Variants in SMYD3 observed in about 807,000 individuals in gnomAD.
SMYD3 encodes the protein SET and MYND domain containing 3.
SMYD3 carries 36 observed loss-of-function variants against 57.7 expected under a neutral mutation model. The ratio of observed to expected loss-of-function variants is 0.62; its 90% confidence interval spans 0.48 to 0.82. The LOEUF (loss-of-function observed/expected upper bound fraction) is 0.82, where lower values mean the gene tolerates loss of function less well. Among genes scored for constraint, SMYD3 ranks in the 40% least tolerant of loss-of-function variants. The probability of loss-of-function intolerance (pLI) is 0.00; values close to 1 mark genes in which losing one functional copy is unlikely to be tolerated. For missense variants in SMYD3, 515 were observed against 538.8 expected, an observed-to-expected ratio of 0.96 and a Z score of 0.44; for synonymous variants, 211 against 195.0, an observed-to-expected ratio of 1.08 and a Z score of -0.68.
intron 10 of SMYD3, among the ~76,000 whole-genome samples, chr1:245,765,221 AT>A (rs67326231): frequency 0.15 from 18,257 of 119,622 alleles, 1,756 homozygotes; most frequent in African/African-American, 0.35. Flanking sequence ...CCCTTTCTCT[AT>A]TAAAAAAAAA....
intron 5 of SMYD3, among the ~76,000 whole-genome samples, chr1:246,086,283 C>T (rs1014484688): frequency 1.1e-4 from 16 of 144,304 alleles, no homozygotes; most frequent in East Asian, 4.7e-4. Flanking sequence ...CCGAAGCTAA[C>T]GCACTGTTTC....
intron 10 of SMYD3, among the ~76,000 whole-genome samples, chr1:245,815,023 G>A (rs972819578): frequency 1.3e-5 from 2 of 152,226 alleles, no homozygotes; most frequent in African/African-American, 4.8e-5. Context: ...ACCATGAGGT[G>A]AGGTGATATC....
intron 5 of SMYD3, among the ~76,000 whole-genome samples, chr1:246,200,337 C>A (rs1173164359): frequency 8.0e-5 from 12 of 149,714 alleles, no homozygotes; most frequent in East Asian, 4.0e-4. Flanking sequence ...AGCGTAGACG[C>A]TGAGCAAGAA....
chr1:246,340,336 T>C (rs1342015754), intron 2 of SMYD3, among the ~76,000 whole-genome samples: 1 of 151,282 alleles, frequency 6.6e-6, no homozygotes, highest in Non-Finnish European at 1.5e-5. Context: ...AAAATACATA[T>C]ATAGACACAG....
At chr1:246,115,662 T>C (rs978317698) in intron 5 of SMYD3, among the ~76,000 whole-genome samples, 2 of 152,158 alleles carry the variant, frequency 1.3e-5, no homozygotes, top group African/African-American at 4.8e-5. Context: ...TGGACAGTTG[T>C]CCCCAGTGTC....
chr1:246,039,117 C>A (rs2059826064), intron 5 of SMYD3, among the ~76,000 whole-genome samples: 1 of 152,056 alleles, frequency 6.6e-6, no homozygotes, highest in South Asian at 2.1e-4. Context: ...AAAACATAGA[C>A]CGTGGAAATT....
At chr1:245,783,188 A>C (rs889597740) in intron 10 of SMYD3, among the ~76,000 whole-genome samples, 4 of 152,206 alleles carry the variant, frequency 2.6e-5, no homozygotes, top group African/African-American at 9.6e-5. Context: ...ACGTGATAAG[A>C]GAAGGCTGAG....
At chr1:246,082,137 T>C (rs1218215930) in intron 5 of SMYD3, among the ~76,000 whole-genome samples, 1 of 152,110 alleles carries the variant, frequency 6.6e-6, no homozygotes, top group African/African-American at 2.4e-5. Flanking sequence ...TCCCTAAAAC[T>C]AAACCCCTCT....
chr1:246,312,751 AACAGGTAACCAGAG>A (rs1461954549), intron 5 of SMYD3, among the ~76,000 whole-genome samples: 2 of 152,190 alleles, frequency 1.3e-5, no homozygotes, highest in African/African-American at 4.8e-5. Context: ...ATTGTCATTC[AACAGGTAACCAGAG>A]ACAAATCAGC....
At chr1:245,760,898 T>A (rs1443204725) in intron 11 of SMYD3, among the ~76,000 whole-genome samples, 1 of 152,088 alleles carries the variant, frequency 6.6e-6, no homozygotes, top group African/African-American at 2.4e-5. Flanking sequence ...TGCTTGAGAT[T>A]GGCAAGCACA....
At chr1:246,010,006 G>A (rs375953140) in intron 5 of SMYD3, among the ~76,000 whole-genome samples, 4 of 132,314 alleles carry the variant, frequency 3.0e-5, no homozygotes, top group African/African-American at 8.7e-5. Flanking sequence ...CAGGAGAATC[G>A]CTTGAACCCA....
At chr1:245,763,897 T>A in intron 11 of SMYD3, 144 bp downstream of exon 11, 1 of 590,422 alleles carries the variant, frequency 1.7e-6, no homozygotes, top group African/African-American at 1.9e-5. Flanking sequence ...CCAGAGTGGT[T>A]GTTAAACATT....
At chr1:246,294,242 T>C (rs1407368089) in intron 5 of SMYD3, among the ~76,000 whole-genome samples, 3 of 152,192 alleles carry the variant, frequency 2.0e-5, no homozygotes, top group Non-Finnish European at 2.9e-5. Context: ...CCCCAGCACA[T>C]AGCACTCACT....
chr1:246,040,527 A>G (rs903454980), intron 5 of SMYD3, among the ~76,000 whole-genome samples: 6 of 152,230 alleles, frequency 3.9e-5, no homozygotes, highest in African/African-American at 1.4e-4. Context: ...AAATTAACCC[A>G]AAATGCAGCC....
chr1:245,884,800 T>TCAGCACTCTGTAAAATGGACCAAA (rs1196346050), intron 8 of SMYD3, among the ~76,000 whole-genome samples: 1 of 151,340 alleles, frequency 6.6e-6, no homozygotes. Context: ...AACGGACCAA[T>TCAGCACTCTGTAAAATGGACCAAA]CAGCACTCTG....
Position 246,303,176 on chromosome 1 carries a change from C to A in SMYD3, c.531+24025G>T, listed in dbSNP as rs569884812. On this transcript the variant is annotated intron_variant, in intron 5 of 11. Coordinates refer to ENST00000490107, the MANE Select transcript of SMYD3 (RefSeq NM_001167740.2). ...TTCTGTGACTCCTTTGACCAAGTGT[C>A]CTCAAGTATAAAATTCTGCTAATAA... is the stretch of plus-strand genomic sequence containing the variant. Among the ~76,000 whole-genome samples the A allele has an allele frequency of 3.2e-4, 49 of 152,260 alleles. No homozygotes were observed. The South Asian group carries it at 0.01, about 32-fold the overall frequency.
intron 5 of SMYD3, among the ~76,000 whole-genome samples, chr1:246,200,992 C>T (rs1017071052): frequency 4.6e-5 from 7 of 152,146 alleles, no homozygotes; most frequent in East Asian, 3.8e-4. Context: ...TTCTTGACAA[C>T]GAGGATTTCT....
At chr1:246,201,874 G>A (rs548396045) in intron 5 of SMYD3, among the ~76,000 whole-genome samples, 199 of 152,148 alleles carry the variant, frequency 1.3e-3, no homozygotes, top group African/African-American at 4.5e-3. Flanking sequence ...TTAGCTGGGC[G>A]TGGTGGCTCA....
intron 5 of SMYD3, among the ~76,000 whole-genome samples, chr1:246,196,784 AG>A (rs2062834913): frequency 6.6e-6 from 1 of 152,352 alleles, no homozygotes; most frequent in South Asian, 2.1e-4. Context: ...CTAGAAGCAA[AG>A]AAAACTCATT....
Sources: gnomAD v4.1 joint callset for allele counts (sites outside exome capture counted in the v4.1 genomes callset) on GRCh38, gnomAD v4.1.1 for gene constraint, MANE v1.5 for transcripts, NCBI Gene and HGNC (gene_info 2026-07-23, HGNC 2026-07-21) for gene names.